GRIK1: variants seen among roughly 807,000 people sequenced by gnomAD.
GRIK1 encodes the protein glutamate ionotropic receptor kainate type subunit 1, also known as glutamate receptor ionotropic, kainate 1.
In GRIK1, 69 loss-of-function variants were observed where a neutral mutation model predicts 105.7. The observed-to-expected ratio is 0.65, with a 90% CI of 0.54 to 0.80. GRIK1 has a LOEUF of 0.80. GRIK1 is among the 30% of genes least tolerant of loss of function. The pLI, the probability that GRIK1 is intolerant of heterozygous loss-of-function variation, is 0.00. For synonymous variants in GRIK1, 438 were observed against 431.3 expected, an observed-to-expected ratio of 1.02 and a Z score of -0.19; for missense variants, 1,109 against 1,167.3, an observed-to-expected ratio of 0.95 and a Z score of 0.73.
chr21:29,920,158 T>C (rs2071144102), intron 1 of GRIK1, among the ~76,000 whole-genome samples: 1 of 151,544 alleles, frequency 6.6e-6, no homozygotes, highest in African/African-American at 2.4e-5. Flanking sequence ...ACATTCTACT[T>C]CATTTCTCTA....
At chr21:29,892,442 T>C (rs1234913571) in intron 1 of GRIK1, among the ~76,000 whole-genome samples, 1 of 152,248 alleles carries the variant, frequency 6.6e-6, no homozygotes, top group Non-Finnish European at 1.5e-5. Flanking sequence ...TTGAAACCTA[T>C]AATTGGGAGC....
chr21:29,879,414 G>A (rs773765143), intron 1 of GRIK1, among the ~76,000 whole-genome samples: 4 of 152,008 alleles, frequency 2.6e-5, no homozygotes, highest in Non-Finnish European at 4.4e-5. Flanking sequence ...GAAGGGACTT[G>A]TATTACACTG....
intron 1 of GRIK1, among the ~76,000 whole-genome samples, chr21:29,834,297 G>T (rs997795535): frequency 6.7e-6 from 1 of 149,016 alleles, no homozygotes; most frequent in Non-Finnish European, 1.5e-5. Context: ...CTATTAAACA[G>T]AAGTGGCAAT....
At chr21:29,670,941 C>T (rs363514) in intron 4 of GRIK1, among the ~76,000 whole-genome samples, 33,505 of 152,042 alleles carry the variant, frequency 0.22, 4,096 homozygotes, top group African/African-American at 0.33. Flanking sequence ...GTAACTATAA[C>T]GTAGAATTAA....
At position 29,830,338 on chromosome 21, in the gene GRIK1, C is replaced by A. The variant is rs923056254; in HGVS notation, c.118+109045G>T. 2.7e-4 allele frequency among the ~76,000 whole-genome samples: 37 copies of A among 137,018 alleles called. 1 individual carries two copies. Among genetic ancestry groups the A allele is most frequent in the African/African-American group, 8.4e-4 (32 of 38,142 alleles). The allele number at this position is 137,018 out of a possible 152,430, so 89.9% of individuals were successfully genotyped here. On this transcript the variant is annotated intron_variant, in intron 1 of 17. Transcript: ENST00000327783. The stretch of plus-strand genomic sequence containing the variant: ...ACACACACACACACACACACACACA[C>A]ACACACACACACACACACACACACT...
chr21:29,577,327 G>T, intron 13 of GRIK1, 146 bp from the exon 14 acceptor site: 1 of 542,780 alleles, frequency 1.8e-6, no homozygotes, highest in East Asian at 2.8e-5. Flanking sequence ...TATAGAAAAT[G>T]GAGCAAAATC....
At chr21:29,603,408 T>C (rs1015669068) in intron 7 of GRIK1, among the ~76,000 whole-genome samples, 2 of 152,070 alleles carry the variant, frequency 1.3e-5, no homozygotes, top group African/African-American at 4.8e-5. Context: ...GAGACCATAA[T>C]ACCAAACACT....
intron 1 of GRIK1, among the ~76,000 whole-genome samples, chr21:29,921,950 G>C (rs964413850): frequency 1.3e-5 from 2 of 152,078 alleles, no homozygotes; most frequent in African/African-American, 4.8e-5. Context: ...ATTTACCTTT[G>C]CTTTTGATAG....
intron 1 of GRIK1, among the ~76,000 whole-genome samples, chr21:29,937,541 G>C (rs188229223): frequency 1.1e-3 from 171 of 152,302 alleles, no homozygotes; most frequent in Non-Finnish European, 2.1e-3. Context: ...ACTGAGATCT[G>C]TGAACAAATA....
chr21:29,744,094 A>G (rs1270330028), intron 1 of GRIK1, among the ~76,000 whole-genome samples: 1 of 152,240 alleles, frequency 6.6e-6, no homozygotes, highest in African/African-American at 2.4e-5. Context: ...AGTTAAAAAA[A>G]TAGAAATTCG....
intron 5 of GRIK1, among the ~76,000 whole-genome samples, 158 bp downstream of exon 5, chr21:29,654,652 C>G (rs925263196): frequency 1.7e-5 from 2 of 119,658 alleles, no homozygotes; most frequent in African/African-American, 7.6e-5. Flanking sequence ...AGAAAAAAAG[C>G]CTGCTGCTCA....
intron 1 of GRIK1, among the ~76,000 whole-genome samples, chr21:29,804,696 A>G (rs2066813649): frequency 6.6e-6 from 1 of 152,188 alleles, no homozygotes. Flanking sequence ...AAAGTTATAA[A>G]AATATGAACG....
intron 1 of GRIK1, among the ~76,000 whole-genome samples, chr21:29,756,234 T>A (rs932095054): frequency 2.6e-5 from 4 of 151,884 alleles, no homozygotes; most frequent in Non-Finnish European, 5.9e-5. Flanking sequence ...ACAAAAAATT[T>A]GTGTGGTGTA....
At chr21:29,623,261 T>C (rs954869354) in intron 7 of GRIK1, among the ~76,000 whole-genome samples, 9 of 152,234 alleles carry the variant, frequency 5.9e-5, no homozygotes, top group African/African-American at 1.9e-4. Context: ...TCATGAGACT[T>C]ATTCACTATC....
intron 1 of GRIK1, among the ~76,000 whole-genome samples, chr21:29,841,233 C>T (rs183045330): frequency 2.0e-5 from 3 of 152,194 alleles, no homozygotes; most frequent in Admixed American, 6.5e-5. Flanking sequence ...ATCAATATGT[C>T]TTTATTGAAT....
chr21:29,592,634 T>C (rs925293803), intron 9 of GRIK1, among the ~76,000 whole-genome samples: 1 of 152,312 alleles, frequency 6.6e-6, no homozygotes, highest in South Asian at 2.1e-4. Context: ...TGAGCTTCAG[T>C]TGATTCTTTA....
rs182338414 is a variant in GRIK1 at position 29,931,940 on chromosome 21, T to G, written c.118+7443A>C. Among the ~76,000 whole-genome samples, 226 of 152,344 alleles carry G rather than the reference T, an allele frequency of 1.5e-3. 2 individuals are homozygous for G. Among genetic ancestry groups the G allele is most frequent in the African/African-American group, 5.2e-3 (216 of 41,584 alleles). On this transcript the variant is annotated intron_variant, in intron 1 of 17. Coordinates refer to ENST00000327783, the MANE Select transcript of GRIK1 (RefSeq NM_001330994.2). ...AGGGAAATAGTAAGTTGTAGTGAAC[T>G]CTTAGTCTCCAAATTGATGATAACT...
At chr21:29,552,505 T>A (rs1414278644) in intron 16 of GRIK1, among the ~76,000 whole-genome samples, 1 of 152,096 alleles carries the variant, frequency 6.6e-6, no homozygotes, top group Non-Finnish European at 1.5e-5. Context: ...ATTTTTTCCT[T>A]CTTGCCCGTT....
rs1568804391 is a variant in GRIK1 at position 29,555,033 on chromosome 21, C to A, written c.2607+19G>T. 1.3e-6 allele frequency: 2 copies of A among 1,594,810 alleles called. No individual in the cohort carries two copies. Among genetic ancestry groups the A allele is most frequent in the Admixed American group, 3.4e-5 (2 of 59,544 alleles). On this transcript the variant is annotated intron_variant, in intron 16 of 17. Transcript: ENST00000327783. The stretch of plus-strand genomic sequence containing the variant: ...AATGCAAACTATAAACTAACCAGTC[C>A]TAGAAAGAGATGACTCACCTGTTCA...
Sources: allele counts gnomAD v4.1 joint callset (sites outside exome capture counted in the v4.1 genomes callset), GRCh38; gene constraint gnomAD v4.1.1; transcripts MANE v1.5; gene names NCBI Gene and HGNC (gene_info 2026-07-23, HGNC 2026-07-21).